U2SURP: variants seen among roughly 807,000 people sequenced by gnomAD.
U2SURP encodes U2 snRNP associated SURP domain containing, also known as U2 snRNP-associated SURP motif-containing protein.
Under a neutral mutation model 144.9 loss-of-function variants are expected in U2SURP, and 9 were observed. The observed-to-expected ratio is 0.06, with a 90% confidence interval of 0.04 to 0.11. The LOEUF (loss-of-function observed/expected upper bound fraction) is 0.11. U2SURP is among the 10% of genes least tolerant of loss of function. The pLI is 1.00. For synonymous variants in U2SURP, 408 were observed against 396.8 expected, an observed-to-expected ratio of 1.03 and a Z score of -0.33; for missense variants, 724 against 1,226.7, an observed-to-expected ratio of 0.59 and a Z score of 6.12.
chr3:143,056,924 T>C lies in U2SURP; in HGVS notation c.*474T>C, dbSNP rs1310557440. ...TTTCACACTACTGTTGTGCTTCTTA[T>C]ACCTGATGCACTTTATAAGCCCCAG... On this transcript the variant is annotated 3_prime_UTR_variant, in exon 28 of 28. Coordinates refer to ENST00000473835, the MANE Select transcript of U2SURP (RefSeq NM_001080415.2). 6.4e-6 allele frequency: 1 copy of C among 156,812 alleles called. No homozygotes were observed. Among genetic ancestry groups the C allele is most frequent in the Non-Finnish European group, 1.4e-5 (1 of 70,506 alleles). The allele number at this position is 156,812 out of a possible 1,614,324, so 9.7% of individuals were successfully genotyped here. A position where few individuals can be genotyped will look rare whatever the true frequency, so the allele number is the denominator to read the frequency against.
intron 1 of U2SURP, among the ~76,000 whole-genome samples, chr3:143,004,959 T>A (rs1310534344): frequency 6.6e-6 from 1 of 152,170 alleles, no homozygotes; most frequent in East Asian, 1.9e-4. Context: ...TTGTTAAGCA[T>A]ATTTCCTTAG....
At chr3:143,005,093 CTAATG>C (rs1486000769) in intron 1 of U2SURP, among the ~76,000 whole-genome samples, 2 of 150,380 alleles carry the variant, frequency 1.3e-5, no homozygotes, top group Non-Finnish European at 2.9e-5. Context: ...GGTAATATTG[CTAATG>C]TAATGTAATT....
chr3:143,015,360 C>G (rs1490934860), intron 4 of U2SURP, among the ~76,000 whole-genome samples: 1 of 151,902 alleles, frequency 6.6e-6, no homozygotes, highest in East Asian at 1.9e-4. Flanking sequence ...TATTTTGCTG[C>G]TGGTGTTTTG....
chr3:143,029,162 A>G (rs999287369), intron 16 of U2SURP, among the ~76,000 whole-genome samples: 1 of 152,228 alleles, frequency 6.6e-6, no homozygotes, highest in Non-Finnish European at 1.5e-5. Context: ...AAGCAAAAAC[A>G]TACTTATTAA....
chr3:143,011,034 CTT>C (rs1182094723), intron 2 of U2SURP, among the ~76,000 whole-genome samples, 175 bp downstream of exon 2: 1 of 149,882 alleles, frequency 6.7e-6, no homozygotes, highest in African/African-American at 2.5e-5. Context: ...GCTTGCATAA[CTT>C]AGCCCTCTGA....
rs530805932 is a variant in U2SURP at position 143,012,923 on chromosome 3, A to G, written c.222+570A>G. 1.4e-4 allele frequency among the ~76,000 whole-genome samples: 21 copies of G among 152,304 alleles called. No homozygotes were observed. In the South Asian group the frequency reaches 4.1e-3, roughly 30 times the overall value. On this transcript the variant is annotated intron_variant, in intron 3 of 27. Coordinates refer to ENST00000473835, the MANE Select transcript of U2SURP (RefSeq NM_001080415.2). ...TTTGTAACATAACACAGTCATCACCAGCCAGTATTAACCACTGGTAACAAA... is the reference window on the plus strand; with the variant it reads ...TTTGTAACATAACACAGTCATCACCGGCCAGTATTAACCACTGGTAACAAA...
At chr3:143,002,358 A>T (rs891751321) in intron 1 of U2SURP, 3 of 152,304 alleles carry the variant, frequency 2.0e-5, no homozygotes, top group South Asian at 4.1e-4. Flanking sequence ...AGCTCCGTAG[A>T]CTTGTAAGCT....
In U2SURP at chr3:143,028,566, G is replaced by T; in HGVS notation, c.1530G>T (p.Pro510=). ...TTTGGAGGCCACCACCATTAAATCC[G>T]TACTTGCATGGAATGTCAGAAGAGC... ...GSFWRPPPLN[P]YLHGMSEEQE... Residue 510 remains proline (P), a synonymous_variant, in exon 16 of 28, where the codon CCG becomes CCT. Transcript: ENST00000473835. 1 of 1,596,892 alleles carries T rather than the reference G, an allele frequency of 6.3e-7. No homozygotes were observed. The highest frequency in any genetic ancestry group is 8.5e-7 in the Non-Finnish European group (1 of 1,175,658).
At chr3:143,049,800 T>G (rs530055391) in intron 24 of U2SURP, among the ~76,000 whole-genome samples, 3 of 152,342 alleles carry the variant, frequency 2.0e-5, no homozygotes, top group Admixed American at 6.5e-5. Context: ...AATTTTAAGA[T>G]ACTTATATCT....
At chr3:143,012,052 T>C (rs1157749266) in intron 2 of U2SURP, 170 bp from the exon 3 acceptor site, 1 of 836,410 alleles carries the variant, frequency 1.2e-6, no homozygotes, top group Non-Finnish European at 1.9e-6. Flanking sequence ...AAACTTTCCC[T>C]GTTCTTAAGA....
At chr3:143,035,121 C>A in intron 19 of U2SURP, 146 bp downstream of exon 19, 1 of 443,798 alleles carries the variant, frequency 2.3e-6, no homozygotes, top group Admixed American at 4.3e-5. Context: ...AAAATTCTGT[C>A]GTTTTTGTTT....
intron 1 of U2SURP, among the ~76,000 whole-genome samples, chr3:143,008,503 A>G (rs1226506563): frequency 6.6e-6 from 1 of 152,254 alleles, no homozygotes; most frequent in African/African-American, 2.4e-5. Flanking sequence ...CGGTTGAATG[A>G]AATTGTATTA....
rs753834748 is a variant in U2SURP, at chr3:143,004,573, ACCCC to A, written c.45+2909_45+2912del. ...CATCTGTTGGCCTCTTGACCTTGTG[ACCCC>A]CCCCCCCCGCCTCGGCCTCCCAAAG... On this transcript the variant is annotated intron_variant, in intron 1 of 27. Transcript: ENST00000473835. 1.9e-4 allele frequency among the ~76,000 whole-genome samples: 9 copies of A among 48,568 alleles called. 2 individuals carry two copies. The South Asian group carries it at 2.1e-3, about 11-fold the overall frequency. 31.9% of individuals were successfully genotyped at this position (48,568 alleles called of 152,430 possible).
chr3:143,047,643 T>C (rs1934588998), intron 24 of U2SURP, among the ~76,000 whole-genome samples: 1 of 41,272 alleles, frequency 2.4e-5, no homozygotes, highest in African/African-American at 1.4e-4. Flanking sequence ...CCCTCCCGCC[T>C]CCCGGACGGG....
rs1935309278 is a variant in U2SURP at position 143,059,998 on chromosome 3, G to A, written c.*3548G>A. On this transcript the variant is annotated 3_prime_UTR_variant, in exon 28 of 28. Coordinates refer to ENST00000473835, the MANE Select transcript of U2SURP (RefSeq NM_001080415.2). ...AATAAGTACAAATCCCAGGGGAAGT[G>A]TTGTGATGCTAGACTAAAAGGTGGG... The A allele has an allele frequency of 6.6e-6, 1 of 152,410 alleles. No homozygotes were observed. Among genetic ancestry groups the A allele is most frequent in the Non-Finnish European group, 1.5e-5 (1 of 67,870 alleles). The allele number at this position is 152,410 out of a possible 1,614,324, so 9.4% of individuals were successfully genotyped here.
At chr3:143,043,769 T>C (rs1934249619) in intron 24 of U2SURP, among the ~76,000 whole-genome samples, 1 of 150,342 alleles carries the variant, frequency 6.7e-6, no homozygotes, top group Admixed American at 6.6e-5. Flanking sequence ...CTGTGAGAAA[T>C]CCATTTTTTT....
At chr3:143,038,567 A>C (rs955695164) in intron 22 of U2SURP, among the ~76,000 whole-genome samples, 38 of 152,194 alleles carry the variant, frequency 2.5e-4, no homozygotes, top group African/African-American at 8.7e-4. Flanking sequence ...GATGCAATTT[A>C]GACCTGTCTT....
At chr3:143,044,913 A>G (rs890234589) in intron 24 of U2SURP, among the ~76,000 whole-genome samples, 3 of 152,210 alleles carry the variant, frequency 2.0e-5, no homozygotes, top group Non-Finnish European at 4.4e-5. Context: ...TTAAGTAGAG[A>G]TGAAGGATTT....
intron 6 of U2SURP, among the ~76,000 whole-genome samples, chr3:143,018,293 A>C (rs1381257001): frequency 6.6e-6 from 1 of 151,794 alleles, no homozygotes; most frequent in Admixed American, 6.6e-5. Context: ...GGATGGTATT[A>C]TATAACGTGG....
Sources: allele counts gnomAD v4.1 joint callset (sites outside exome capture counted in the v4.1 genomes callset), GRCh38; gene constraint gnomAD v4.1.1; transcripts MANE v1.5; gene names NCBI Gene and HGNC (gene_info 2026-07-23, HGNC 2026-07-21).